The following MAN1C1 variants were observed in gnomAD, a reference collection of about 807,000 sequenced individuals.
MAN1C1 encodes the protein mannosyl-oligosaccharide 1,2-alpha-mannosidase IC.
A neutral mutation model predicts 71.5 loss-of-function variants in MAN1C1; 49 were observed. The ratio of observed to expected loss-of-function variants is 0.69; its 90% CI spans 0.54 to 0.87. The LOEUF is 0.87. MAN1C1 is among the 40% of genes least tolerant of loss of function. MAN1C1 has a pLI of 0.00. For synonymous variants in MAN1C1, 352 were observed against 343.7 expected, an observed-to-expected ratio of 1.02 and a Z score of -0.27; for missense variants, 743 against 835.0, an observed-to-expected ratio of 0.89 and a Z score of 1.36.
At chr1:25,664,616 C>A (rs1341619746) in intron 1 of MAN1C1, among the ~76,000 whole-genome samples, 1 of 152,188 alleles carries the variant, frequency 6.6e-6, no homozygotes, top group African/African-American at 2.4e-5. Flanking sequence ...TACAGTGCAT[C>A]TGAAATGTTC....
chr1:25,756,870 A>T (rs1410756246), intron 5 of MAN1C1, among the ~76,000 whole-genome samples: 1 of 152,144 alleles, frequency 6.6e-6, no homozygotes, highest in African/African-American at 2.4e-5. Context: ...CTGGCACACT[A>T]TACCGGCTCA....
In MAN1C1 at chr1:25,717,337, C is replaced by G. The variant is rs1025839707; in HGVS notation, c.638-29331C>G. Among the ~76,000 whole-genome samples, 3 of 151,904 alleles carry G rather than the reference C, an allele frequency of 2.0e-5. No individual in the cohort carries two copies. The East Asian group carries it at 5.8e-4, about 29-fold the overall frequency. ...AGCAGCTTGGTCAACATGGCGAAACCCTGTCTTTACAAAAAAAAGAAAAAA... is the reference window on the plus strand; with the variant it reads ...AGCAGCTTGGTCAACATGGCGAAACGCTGTCTTTACAAAAAAAAGAAAAAA... On this transcript the variant is annotated intron_variant, in intron 2 of 11. Transcript: ENST00000374332.
At chr1:25,693,010 C>T (rs891813262) in intron 2 of MAN1C1, among the ~76,000 whole-genome samples, 1 of 152,194 alleles carries the variant, frequency 6.6e-6, no homozygotes. Flanking sequence ...CACCAACCCC[C>T]TGCACAGTTG....
In MAN1C1 at chr1:25,778,088, C is replaced by A; in HGVS notation, c.1258-17C>A. 6.5e-7 allele frequency: 1 copy of A among 1,531,722 alleles called. No individual in the cohort carries two copies. The highest frequency in any genetic ancestry group is 8.8e-7 in the Non-Finnish European group (1 of 1,133,976). 94.9% of individuals were successfully genotyped at this position (1,531,722 alleles called of 1,614,324 possible). A position where few individuals can be genotyped will look rare whatever the true frequency, so the allele number is the denominator to read the frequency against. On this transcript the variant is annotated splice_polypyrimidine_tract_variant and intron_variant, in intron 8 of 11. Transcript: ENST00000374332. The surrounding 1 kb of genome is among the most constrained non-coding windows in gnomAD (Gnocchi z 5.5). ...CCCACGCCCCTTCTCCCTGCCCAAT[C>A]CCCACCTTGCTCCCAGGCGATAGAG...
chr1:25,646,007 G>A (rs1486246372), intron 1 of MAN1C1: 1 of 152,300 alleles, frequency 6.6e-6, no homozygotes, highest in Non-Finnish European at 1.5e-5. Flanking sequence ...GAATGTTGAG[G>A]TCTGCCTATC....
At chr1:25,743,468 T>C (rs1263600041) in intron 2 of MAN1C1, among the ~76,000 whole-genome samples, 1 of 152,156 alleles carries the variant, frequency 6.6e-6, no homozygotes, top group Non-Finnish European at 1.5e-5. Flanking sequence ...GGGCCTTCTC[T>C]CCTGCCCAGC....
At chr1:25,720,575 A>C (rs2124274405) in intron 2 of MAN1C1, among the ~76,000 whole-genome samples, 1 of 152,322 alleles carries the variant, frequency 6.6e-6, no homozygotes, top group East Asian at 1.9e-4. Flanking sequence ...TCTGGATACC[A>C]GTTCTCTATG....
rs888665763 is a variant in MAN1C1 at position 25,764,933 on chromosome 1, A to G, written c.1141+966A>G. 1.9e-4 allele frequency among the ~76,000 whole-genome samples: 29 copies of G among 152,004 alleles called. No homozygotes were observed. Among genetic ancestry groups the G allele is most frequent in the Non-Finnish European group, 3.4e-4 (23 of 67,990 alleles). On this transcript the variant is annotated intron_variant, in intron 7 of 11. Transcript: ENST00000374332. This position sits in a 1 kb window ranked among gnomAD's most constrained non-coding sequence, Gnocchi z 4.4. ...TGTGGTGGCACGTGTCTCTAGTCCC[A>G]GCTACTCAGGAGGCTGAGGCAGGAG...
intron 1 of MAN1C1, among the ~76,000 whole-genome samples, chr1:25,641,064 T>C (rs959423452): frequency 3.2e-4 from 48 of 152,306 alleles, no homozygotes; most frequent in African/African-American, 1.1e-3. Flanking sequence ...TTGGATTCTG[T>C]ATAGCCTGTA....
rs1043650674 is a variant in MAN1C1, at chr1:25,730,494, G to C, written c.638-16174G>C. On this transcript the variant is annotated intron_variant, in intron 2 of 11. Coordinates refer to ENST00000374332, the MANE Select transcript of MAN1C1 (RefSeq NM_020379.4). This position sits in a 1 kb window ranked among gnomAD's most constrained non-coding sequence, Gnocchi z 4.3. ...GGCTTTAATTGTTCAGTCACATGAGGGTGGTGCCTCCTGAGTTCTGAGAAC... is the reference window on the plus strand; with the variant it reads ...GGCTTTAATTGTTCAGTCACATGAGCGTGGTGCCTCCTGAGTTCTGAGAAC... Among the ~76,000 whole-genome samples the C allele has an allele frequency of 2.0e-5, 3 of 152,142 alleles. No homozygotes were observed. Among genetic ancestry groups the C allele is most frequent in the Admixed American group, 2.0e-4 (3 of 15,282 alleles).
intron 2 of MAN1C1, among the ~76,000 whole-genome samples, chr1:25,704,510 C>T (rs144380643): frequency 1.8e-4 from 28 of 152,350 alleles, no homozygotes; most frequent in African/African-American, 5.3e-4. Context: ...CTGCTCAGCA[C>T]GTGCTTGCTA....
At chr1:25,673,462 G>C (rs775173433) in intron 1 of MAN1C1, among the ~76,000 whole-genome samples, 1 of 152,058 alleles carries the variant, frequency 6.6e-6, no homozygotes, top group African/African-American at 2.4e-5. Flanking sequence ...CTGAAAATGA[G>C]AGTAATGTTA....
At position 25,769,265 on chromosome 1, in the gene MAN1C1, C is replaced by G. The variant is rs2047512784; in HGVS notation, c.1142-2392C>G. 6.7e-6 allele frequency among the ~76,000 whole-genome samples: 1 copy of G among 149,612 alleles called. No homozygotes were observed. The highest frequency in any genetic ancestry group is 2.5e-5 in the African/African-American group (1 of 40,160). On this transcript the variant is annotated intron_variant, in intron 7 of 11. Coordinates refer to ENST00000374332, the MANE Select transcript of MAN1C1 (RefSeq NM_020379.4). The surrounding 1 kb of genome is among the most constrained non-coding windows in gnomAD (Gnocchi z 4.8). ...CACCACACTCCTTGACACACACACA[C>G]TCTCCCTACACACACATCCACACAC...
chr1:25,636,926 A>G (rs56001686), intron 1 of MAN1C1, among the ~76,000 whole-genome samples: 23,076 of 152,100 alleles, frequency 0.15, 4,258 homozygotes, highest in African/African-American at 0.43. Context: ...AGGCCGAGGC[A>G]GGTGGATCAC....
Position 25,730,855 on chromosome 1 carries a change from C to G in MAN1C1, c.638-15813C>G, listed in dbSNP as rs2046899654. On this transcript the variant is annotated intron_variant, in intron 2 of 11. Coordinates refer to ENST00000374332, the MANE Select transcript of MAN1C1 (RefSeq NM_020379.4). The surrounding 1 kb of genome is among the most constrained non-coding windows in gnomAD (Gnocchi z 4.3). ...GCACCCTTCACCTGATTCAGGCCAC[C>G]CACATCTGCGACAGGGTTATTGCTA... 6.6e-6 allele frequency among the ~76,000 whole-genome samples: 1 copy of G among 152,196 alleles called. No homozygotes were observed. The highest frequency in any genetic ancestry group is 2.4e-5 in the African/African-American group (1 of 41,444).
chr1:25,735,807 A>C lies in MAN1C1; in HGVS notation c.638-10861A>C, dbSNP rs1198931527. Among the ~76,000 whole-genome samples the C allele has an allele frequency of 3.9e-5, 6 of 152,178 alleles. No homozygotes were observed. The highest frequency in any genetic ancestry group is 8.8e-5 in the Non-Finnish European group (6 of 68,026). On this transcript the variant is annotated intron_variant, in intron 2 of 11. Transcript: ENST00000374332. The surrounding 1 kb of genome is among the most constrained non-coding windows in gnomAD (Gnocchi z 4.6). ...TGAAGGGTGGGAGCCTAACGGAGCA[A>C]GCCCAGCCATGCAAGCATGTTTCAG...
At chr1:25,660,341 C>T (rs981650587) in intron 1 of MAN1C1, among the ~76,000 whole-genome samples, 25 of 143,230 alleles carry the variant, frequency 1.7e-4, no homozygotes, top group African/African-American at 3.8e-4. Context: ...ACAGAGGTTG[C>T]GGTGAGCTGA....
intron 1 of MAN1C1, among the ~76,000 whole-genome samples, chr1:25,643,562 C>T (rs7526696): frequency 2.1e-3 from 300 of 145,032 alleles, no homozygotes; most frequent in Non-Finnish European, 2.4e-3. Flanking sequence ...TGACCCACCA[C>T]GCCTGGCCTT....
chr1:25,778,383 T>C lies in MAN1C1; in HGVS notation c.1477+59T>C. The C allele has an allele frequency of 6.6e-7, 1 of 1,512,168 alleles. No individual in the cohort carries two copies. The highest frequency in any genetic ancestry group is 1.2e-5 in the South Asian group (1 of 80,272). The allele number at this position is 1,512,168 out of a possible 1,614,324, so 93.7% of individuals were successfully genotyped here. ...ACTGAGGCTAGACACCAGGAAGAAC[T>C]GGAAAGACCGGCAGCAGTGAGCGAA... On this transcript the variant is annotated intron_variant, in intron 9 of 11. Transcript: ENST00000374332. The surrounding 1 kb of genome is among the most constrained non-coding windows in gnomAD (Gnocchi z 5.5).
Sources: gnomAD v4.1 joint callset for allele counts (sites outside exome capture counted in the v4.1 genomes callset) on GRCh38, gnomAD v4.1.1 for gene constraint, Gnocchi (gnomAD v3.1) non-coding constraint, MANE v1.5 for transcripts, NCBI Gene and HGNC (gene_info 2026-07-23, HGNC 2026-07-21) for gene names.